FNBP1: variants seen among roughly 807,000 people sequenced by gnomAD.
FNBP1 encodes formin-binding protein 1.
A neutral mutation model predicts 90.6 loss-of-function variants in FNBP1; 26 were observed. The ratio of observed to expected loss-of-function variants is 0.29; its 90% CI spans 0.21 to 0.40. FNBP1 has a LOEUF of 0.40. Ranked by LOEUF, FNBP1 falls within the 10% of genes least tolerant of loss-of-function variation. The pLI is 1.00. For missense variants in FNBP1, 635 were observed against 768.0 expected (o/e 0.83, Z 2.05); for synonymous variants, 260 against 265.2 (o/e 0.98, Z 0.19).
At chr9:130,007,741 C>T (rs1226536772) in intron 1 of FNBP1, among the ~76,000 whole-genome samples, 4 of 152,050 alleles carry the variant, frequency 2.6e-5, no homozygotes, top group African/African-American at 4.8e-5. Flanking sequence ...TTAAGGCCGG[C>T]GTGGTGGCTC....
In FNBP1 at chr9:130,041,227, G is replaced by A. The variant is rs769155174; in HGVS notation, c.24+1725C>T. ...AATGTACAGAATAATGCAAGCAATTGCCGCTGTTTTAGCAGTTTTGCTCAT... is the reference window on the plus strand; with the variant it reads ...AATGTACAGAATAATGCAAGCAATTACCGCTGTTTTAGCAGTTTTGCTCAT... On this transcript the variant is annotated intron_variant, in intron 1 of 16. Coordinates refer to ENST00000446176, the MANE Select transcript of FNBP1 (RefSeq NM_015033.3). The surrounding 1 kb of genome is among the most constrained non-coding windows in gnomAD (Gnocchi z 4.3). 1.4e-4 allele frequency among the ~76,000 whole-genome samples: 21 copies of A among 152,020 alleles called. No homozygotes were observed. The highest frequency in any genetic ancestry group is 2.6e-4 in the Non-Finnish European group (18 of 68,002).
At chr9:129,974,827 T>A (rs1363672119) in intron 4 of FNBP1, among the ~76,000 whole-genome samples, 1 of 142,002 alleles carries the variant, frequency 7.0e-6, no homozygotes, top group African/African-American at 2.7e-5. Flanking sequence ...ACCACTGCAC[T>A]CCAGCCTAGG....
At chr9:129,910,200 G>A (rs755177410) in intron 11 of FNBP1, 18 of 455,932 alleles carry the variant, frequency 3.9e-5, no homozygotes, top group South Asian at 1.5e-4. Flanking sequence ...GAGAAATTTC[G>A]TGCTGGGCAC....
intron 10 of FNBP1, chr9:129,919,184 T>G: frequency 7.7e-7 from 1 of 1,302,754 alleles, no homozygotes; most frequent in Non-Finnish European, 1.0e-6. Context: ...CTCAAAGGCA[T>G]ACGTGGGTTT....
At chr9:130,047,341 G>A (rs1410498402), upstream of FNBP1, among the ~76,000 whole-genome samples, 2 of 152,176 alleles carry the variant, frequency 1.3e-5, no homozygotes, top group Admixed American at 6.5e-5. Flanking sequence ...ACAGCTGGGC[G>A]CAGTGGTTCA....
chr9:130,009,572 G>A (rs1194579589), intron 1 of FNBP1, among the ~76,000 whole-genome samples: 1 of 152,082 alleles, frequency 6.6e-6, no homozygotes, highest in Non-Finnish European at 1.5e-5. Flanking sequence ...GGAGACCAAG[G>A]CGGGCGGATC....
chr9:129,912,267 T>C (rs2039435060), intron 11 of FNBP1, among the ~76,000 whole-genome samples: 1 of 152,162 alleles, frequency 6.6e-6, no homozygotes. Context: ...TCTCTGTTGA[T>C]TGTCATAGTG....
Position 130,013,414 on chromosome 9 carries a change from C to T in FNBP1, c.25-18456G>A, listed in dbSNP as rs1419402884. Among the ~76,000 whole-genome samples the T allele has an allele frequency of 2.0e-5, 3 of 152,036 alleles. No individual in the cohort carries two copies. In the East Asian group the frequency reaches 5.8e-4, roughly 29 times the overall value. ...GCATATTAAAACCACAATGAAATAC[C>T]ATTTCATATCCATCAGTCTGGTAAA... On this transcript the variant is annotated intron_variant, in intron 1 of 16. Transcript: ENST00000446176.
chr9:129,896,544 C>G (rs180694397), intron 15 of FNBP1, among the ~76,000 whole-genome samples: 1 of 152,142 alleles, frequency 6.6e-6, no homozygotes, highest in Non-Finnish European at 1.5e-5. Context: ...CCACCACACC[C>G]GGCTAACCTT....
At chr9:129,942,702 C>T (rs910072519) in intron 6 of FNBP1, among the ~76,000 whole-genome samples, 5 of 152,126 alleles carry the variant, frequency 3.3e-5, no homozygotes, top group Admixed American at 6.5e-5. Flanking sequence ...CCCTATTTAT[C>T]TATAAAGGGA....
intron 10 of FNBP1, among the ~76,000 whole-genome samples, chr9:129,921,186 A>G (rs2131821355): frequency 6.6e-6 from 1 of 152,310 alleles, no homozygotes; most frequent in East Asian, 1.9e-4. Context: ...AGAACTCTGC[A>G]TGTGAGGAAA....
Position 130,042,996 on chromosome 9 carries a change from G to C in FNBP1, c.-21C>G, listed in dbSNP as rs1055422218. The C allele has an allele frequency of 8.2e-7, 1 of 1,224,990 alleles. No individual in the cohort carries two copies. The highest frequency in any genetic ancestry group is 1.0e-6 in the Non-Finnish European group (1 of 983,510). 75.9% of individuals were successfully genotyped at this position (1,224,990 alleles called of 1,614,324 possible). ...CTCATGGTGCAGGGGACGCGAAGGGGCGCTCCGCGCGGCGGGCGCGGCTCT... is the reference window on the plus strand; with the variant it reads ...CTCATGGTGCAGGGGACGCGAAGGGCCGCTCCGCGCGGCGGGCGCGGCTCT... On this transcript the variant is annotated 5_prime_UTR_variant, in exon 1 of 17. Coordinates refer to ENST00000446176, the MANE Select transcript of FNBP1 (RefSeq NM_015033.3). The surrounding 1 kb of genome is among the most constrained non-coding windows in gnomAD (Gnocchi z 5.5).
chr9:129,961,628 C>T (rs1036382345), intron 4 of FNBP1, among the ~76,000 whole-genome samples: 2 of 152,026 alleles, frequency 1.3e-5, no homozygotes, highest in African/African-American at 2.4e-5. Context: ...AGGACAGTGG[C>T]GTGATCTCGG....
chr9:130,027,747 A>G (rs2132070374), intron 1 of FNBP1, among the ~76,000 whole-genome samples: 1 of 152,098 alleles, frequency 6.6e-6, no homozygotes, highest in South Asian at 2.1e-4. Flanking sequence ...GCTAAGTATG[A>G]CTGTTGGTTG....
intron 4 of FNBP1, among the ~76,000 whole-genome samples, chr9:129,974,101 C>A (rs1441550021): frequency 6.6e-6 from 1 of 152,168 alleles, no homozygotes; most frequent in Non-Finnish European, 1.5e-5. Context: ...GGATTACAGG[C>A]GTGAGTCACC....
chr9:129,998,195 C>CGG (rs1383520800), intron 1 of FNBP1, among the ~76,000 whole-genome samples: 2 of 86,104 alleles, frequency 2.3e-5, no homozygotes, highest in African/African-American at 4.5e-5. Context: ...GACTCTGTCT[C>CGG]GAAAAAAAAA....
Position 129,899,960 on chromosome 9 carries a change from G to A in FNBP1, c.1687+5C>T, listed in dbSNP as rs1332555188. 1.3e-6 allele frequency: 2 copies of A among 1,581,038 alleles called. No individual in the cohort carries two copies. Among genetic ancestry groups the A allele is most frequent in the East Asian group, 4.6e-5 (2 of 43,430 alleles). On this transcript the variant is annotated splice_donor_5th_base_variant and intron_variant, in intron 15 of 16. Coordinates refer to ENST00000446176, the MANE Select transcript of FNBP1 (RefSeq NM_015033.3). ...CAGGGGAATCCAGCAGACATGAAAT[G>A]TCACCTTCAAATGTGTAGAGAGCTT...
At chr9:129,936,217 C>T (rs1380904846) in intron 6 of FNBP1, 1 of 152,166 alleles carries the variant, frequency 6.6e-6, no homozygotes, top group Non-Finnish European at 1.5e-5. Context: ...TTTGGAACAG[C>T]TGCATCTTTA....
intron 4 of FNBP1, among the ~76,000 whole-genome samples, chr9:129,964,306 C>T (rs924437491): frequency 6.6e-6 from 1 of 152,122 alleles, no homozygotes; most frequent in Non-Finnish European, 1.5e-5. Context: ...AGAATGAAGT[C>T]ATCACAGCTC....
Sources: allele counts gnomAD v4.1 joint callset (sites outside exome capture counted in the v4.1 genomes callset), GRCh38; gene constraint gnomAD v4.1.1; non-coding constraint Gnocchi (gnomAD v3.1); transcripts MANE v1.5; gene names NCBI Gene and HGNC (gene_info 2026-07-23, HGNC 2026-07-21).